CLVS1: variants seen among roughly 807,000 people sequenced by gnomAD.
CLVS1 encodes clavesin 1.
A neutral mutation model predicts 33.1 loss-of-function variants in CLVS1; 10 were observed. The observed-to-expected ratio is 0.30, with a 90% confidence interval of 0.19 to 0.51. The LOEUF (loss-of-function observed/expected upper bound fraction) is 0.51. Ranked by LOEUF, CLVS1 falls within the 20% of genes least tolerant of loss-of-function variation. CLVS1 has a pLI of 0.97. For synonymous variants in CLVS1, 163 were observed against 166.1 expected (o/e 0.98, Z 0.14); for missense variants, 343 against 433.4 (o/e 0.79, Z 1.85).
At chr8:61,335,035 G>A (rs541158036) in intron 2 of CLVS1, among the ~76,000 whole-genome samples, 2 of 152,324 alleles carry the variant, frequency 1.3e-5, no homozygotes, top group East Asian at 3.9e-4. Flanking sequence ...ATCATAGGGA[G>A]TTGGAGCAGT....
chr8:61,014,230 T>C, the CLVS1 span, among the ~76,000 whole-genome samples: 1 of 152,112 alleles, frequency 6.6e-6, no homozygotes, highest in Non-Finnish European at 1.5e-5. Flanking sequence ...GTTTAAGATA[T>C]TCCCCCTTGT....
At chr8:61,046,913 T>C in the CLVS1 span, among the ~76,000 whole-genome samples, 1 of 152,324 alleles carries the variant, frequency 6.6e-6, no homozygotes, top group East Asian at 1.9e-4. Flanking sequence ...GTTTTCTAGA[T>C]ATACAATCAC....
chr8:61,458,564 C>G (rs781105723), intron 5 of CLVS1, 22 bp downstream of exon 5: 1 of 894,314 alleles, frequency 1.1e-6, no homozygotes, highest in Non-Finnish European at 1.4e-6. Context: ...GTTATCAGAG[C>G]CCCCCCCCCA....
rs1394339360 is a variant in CLVS1, at chr8:61,300,057, T to A, written c.230T>A (p.Leu77Gln). Residue 77 changes from leucine to glutamine, a missense_variant, in exon 2 of 6, where the codon CTG becomes CAG. Physicochemically the swap from Leu to Gln is moderately radical, Grantham distance 113. Around this residue, in one of 4 missense-constraint regions of CLVS1, gnomAD observed 166 missense variants for 244.0 expected, o/e 0.68. Transcript: ENST00000325897. ...GFLRTDDAFI[L>Q]RFLRARKFHQ... The stretch of plus-strand genomic sequence containing the variant: ...TTACGTACAGATGATGCCTTCATCC[T>A]GAGATTTCTCCGAGCCAGGAAGTTT... 1 of 1,614,048 alleles carries A rather than the reference T, an allele frequency of 6.2e-7. No individual in the cohort carries two copies. The highest frequency in any genetic ancestry group is 2.2e-5 in the East Asian group (1 of 44,884).
intron 4 of CLVS1, among the ~76,000 whole-genome samples, chr8:61,455,178 T>TTG (rs35160609): frequency 0.11 from 16,687 of 146,892 alleles, 1,718 homozygotes; most frequent in African/African-American, 0.29. Context: ...TAATTATGAT[T>TTG]TGTGTGTGTG....
At chr8:61,198,186 A>G (rs1294689678) in intron 2 of CLVS1, among the ~76,000 whole-genome samples, 1 of 152,162 alleles carries the variant, frequency 6.6e-6, no homozygotes, top group Non-Finnish European at 1.5e-5. Flanking sequence ...CTTGAGAGGT[A>G]TTATATTAAT....
In CLVS1 at chr8:61,499,478, G is replaced by C; in HGVS notation, c.1001G>C (p.Gly334Ala). ...MKRSQSVVEAGTLKHEEKGEN... is the reference protein window; with the variant it reads ...MKRSQSVVEAATLKHEEKGEN... ...AGATCTCAGTCTGTGGTAGAAGCTG[G>C]GACCCTGAAACATGAGGAGAAGGGA... Residue 334 changes from glycine (G) to alanine (A), a missense_variant, in exon 6 of 6, where the codon GGG becomes GCG. Transcript: ENST00000325897. 1 of 1,613,478 alleles carries C rather than the reference G, an allele frequency of 6.2e-7. No individual in the cohort carries two copies. The highest frequency in any genetic ancestry group is 8.5e-7 in the Non-Finnish European group (1 of 1,179,516).
chr8:61,187,775 A>G (rs991452767), intron 2 of CLVS1, among the ~76,000 whole-genome samples: 1 of 149,878 alleles, frequency 6.7e-6, no homozygotes, highest in Admixed American at 6.7e-5. Flanking sequence ...ATAATTATAT[A>G]TAAGATCTAT....
intron 2 of CLVS1, among the ~76,000 whole-genome samples, chr8:61,246,980 C>T (rs1303215218): frequency 3.9e-5 from 6 of 152,068 alleles, no homozygotes; most frequent in Non-Finnish European, 7.4e-5. Flanking sequence ...TCAAGCAGAC[C>T]CCAGTGTCTG....
chr8:61,186,879 T>G lies in CLVS1; in HGVS notation c.-152+55019T>G, dbSNP rs2349932. Reference sequence around the variant, plus strand: ...TTTTGGACAGAAAGGGCAGTTGGACTGAGAAAAATTGTAGCACCTTCCCTG... The same window carrying G: ...TTTTGGACAGAAAGGGCAGTTGGACGGAGAAAAATTGTAGCACCTTCCCTG... On this transcript the variant is annotated intron_variant, in intron 2 of 2. Transcript: ENST00000522621. 5.9e-5 allele frequency among the ~76,000 whole-genome samples: 9 copies of G among 152,318 alleles called. No individual in the cohort carries two copies. The South Asian group carries it at 1.9e-3, about 32-fold the overall frequency.
intron 2 of CLVS1, among the ~76,000 whole-genome samples, chr8:61,302,951 G>A (rs1810488592): frequency 6.6e-6 from 1 of 152,172 alleles, no homozygotes; most frequent in Non-Finnish European, 1.5e-5. Context: ...TCTGTCACCA[G>A]ACAGCACTAG....
chr8:61,011,579 G>C, the CLVS1 span, among the ~76,000 whole-genome samples: 7 of 152,036 alleles, frequency 4.6e-5, no homozygotes, highest in African/African-American at 1.7e-4. Flanking sequence ...CTCTCGAATA[G>C]CTGGGATTAC....
At chr8:61,144,049 A>G (rs953977237) in intron 2 of CLVS1, among the ~76,000 whole-genome samples, 7 of 144,050 alleles carry the variant, frequency 4.9e-5, no homozygotes, top group African/African-American at 1.5e-4. Context: ...GCTTTATTGT[A>G]TATATATACA....
the CLVS1 span, among the ~76,000 whole-genome samples, chr8:61,013,710 C>T: frequency 1.3e-5 from 2 of 152,196 alleles, no homozygotes; most frequent in East Asian, 1.9e-4. Context: ...CTGTGTGTGC[C>T]GATGCCAAAA....
chr8:61,016,208 A>C, the CLVS1 span, among the ~76,000 whole-genome samples: 3 of 152,238 alleles, frequency 2.0e-5, no homozygotes, highest in African/African-American at 7.2e-5. Context: ...CTCATCCCCA[A>C]GATATCTCAT....
chr8:60,970,776 A>G, the CLVS1 span, among the ~76,000 whole-genome samples: 1 of 152,166 alleles, frequency 6.6e-6, no homozygotes, highest in Non-Finnish European at 1.5e-5. Context: ...ATGCCATTCA[A>G]TTCTGGGAAA....
the CLVS1 span, among the ~76,000 whole-genome samples, chr8:60,985,319 G>T: frequency 2.5e-3 from 375 of 152,352 alleles, 3 homozygotes; most frequent in Non-Finnish European, 4.1e-3. Context: ...AGACCCTGCT[G>T]TCGGGATAAC....
Position 61,501,412 on chromosome 8 carries a change from T to TAA in CLVS1, c.*1871_*1872dup, listed in dbSNP as rs1392686997. On this transcript the variant is annotated 3_prime_UTR_variant, in exon 6 of 6. Transcript: ENST00000325897. Reference sequence around the variant, plus strand: ...ATTTTAAATACCATATTATATTTACTAAGTTAAGAGCTAGTTTTTACTCTC... The same window carrying TAA: ...ATTTTAAATACCATATTATATTTACTAAAAGTTAAGAGCTAGTTTTTACTCTC... The TAA allele has an allele frequency of 2.0e-5, 3 of 152,262 alleles. No individual in the cohort carries two copies. Among genetic ancestry groups the TAA allele is most frequent in the South Asian group, 2.1e-4 (1 of 4,832 alleles). 9.4% of individuals were successfully genotyped at this position (152,262 alleles called of 1,614,324 possible). A position where few individuals can be genotyped will look rare whatever the true frequency, so the allele number is the denominator to read the frequency against.
chr8:61,476,503 A>G (rs1480554200), intron 5 of CLVS1, among the ~76,000 whole-genome samples: 1 of 152,118 alleles, frequency 6.6e-6, no homozygotes, highest in Non-Finnish European at 1.5e-5. Context: ...TCCTTGAATA[A>G]GTCCTTCACA....
Sources: gnomAD v4.1 joint callset for allele counts (sites outside exome capture counted in the v4.1 genomes callset) on GRCh38, gnomAD v4.1.1 for gene constraint, gnomAD v4.1.1 regional missense constraint, MANE v1.5 for transcripts, NCBI Gene and HGNC (gene_info 2026-07-23, HGNC 2026-07-21) for gene names.